TTC39C: variants seen among roughly 807,000 people sequenced by gnomAD.
The protein encoded by TTC39C is tetratricopeptide repeat domain 39C, also known as tetratricopeptide repeat protein 39C.
TTC39C carries 33 observed loss-of-function variants against 76.3 expected under a neutral mutation model. The observed-to-expected ratio is 0.43, with a 90% CI of 0.33 to 0.58. The LOEUF is 0.58. Ranked by LOEUF, TTC39C falls within the 20% of genes least tolerant of loss-of-function variation. TTC39C has a pLI of 0.04. For missense variants in TTC39C, 595 were observed against 701.4 expected, an observed-to-expected ratio of 0.85 and a Z score of 1.71; for synonymous variants, 254 against 260.6, an observed-to-expected ratio of 0.97 and a Z score of 0.24.
At chr18:24,044,474 G>A (rs968209904) in intron 1 of TTC39C, among the ~76,000 whole-genome samples, 2 of 152,214 alleles carry the variant, frequency 1.3e-5, no homozygotes, top group Admixed American at 6.5e-5. Flanking sequence ...TCTCCAGGGT[G>A]CACCGCTTTT....
intron 1 of TTC39C, among the ~76,000 whole-genome samples, chr18:24,047,832 C>T (rs546922354): frequency 6.6e-6 from 1 of 152,114 alleles, no homozygotes; most frequent in Non-Finnish European, 1.5e-5. Flanking sequence ...AAGACAGTTC[C>T]GTAGAGGAGA....
intron 1 of TTC39C, among the ~76,000 whole-genome samples, chr18:23,996,991 C>A (rs898269222): frequency 6.6e-6 from 1 of 152,166 alleles, no homozygotes; most frequent in Non-Finnish European, 1.5e-5. Context: ...CACCTGTAGT[C>A]CCAGCTACTT....
intron 10 of TTC39C, among the ~76,000 whole-genome samples, chr18:24,127,114 A>T (rs1018786061): frequency 3.3e-5 from 5 of 152,224 alleles, no homozygotes; most frequent in African/African-American, 1.2e-4. Context: ...CCTGGAAGGG[A>T]AGACAGACAG....
At chr18:24,029,344 C>G (rs371078130) in intron 1 of TTC39C, among the ~76,000 whole-genome samples, 1 of 152,184 alleles carries the variant, frequency 6.6e-6, no homozygotes, top group African/African-American at 2.4e-5. Flanking sequence ...CTAGGTAATC[C>G]ACCCACCTTG....
At chr18:24,010,234 ACAGT>A (rs1438150077), upstream of TTC39C, among the ~76,000 whole-genome samples, 14 of 152,184 alleles carry the variant, frequency 9.2e-5, no homozygotes, top group African/African-American at 2.9e-4. Flanking sequence ...AGATACAGAA[ACAGT>A]CAGGTTGTTT....
chr18:24,042,418 C>T (rs989408067), intron 1 of TTC39C, among the ~76,000 whole-genome samples: 1 of 152,154 alleles, frequency 6.6e-6, no homozygotes, highest in African/African-American at 2.4e-5. Flanking sequence ...GCACAGTTCA[C>T]AGTAGGGTTC....
chr18:24,122,080 G>C (rs1416065623), intron 8 of TTC39C, among the ~76,000 whole-genome samples: 1 of 152,056 alleles, frequency 6.6e-6, no homozygotes, highest in Non-Finnish European at 1.5e-5. Context: ...TGCATCCTCA[G>C]CTCTCTCCGA....
intron 1 of TTC39C, among the ~76,000 whole-genome samples, chr18:24,044,712 A>G (rs2083841933): frequency 6.6e-6 from 1 of 152,222 alleles, no homozygotes; most frequent in South Asian, 2.1e-4. Context: ...TGGGGAAAGG[A>G]TCTTAAATTC....
chr18:24,099,005 ATGTG>A (rs71373362), intron 6 of TTC39C, among the ~76,000 whole-genome samples: 2,683 of 130,722 alleles, frequency 0.021, 38 homozygotes, highest in Non-Finnish European at 0.03. Flanking sequence ...AGTTAGAGGA[ATGTG>A]TGTGTGTGTG....
chr18:24,092,972 G>A (rs530593441), intron 6 of TTC39C, among the ~76,000 whole-genome samples: 15 of 152,310 alleles, frequency 9.8e-5, no homozygotes, highest in African/African-American at 3.6e-4. Flanking sequence ...GAAGGCTGAG[G>A]TGGGAGGATC....
intron 1 of TTC39C, among the ~76,000 whole-genome samples, chr18:24,060,892 G>A (rs2084090798): frequency 1.3e-5 from 2 of 152,058 alleles, no homozygotes; most frequent in Admixed American, 1.3e-4. Context: ...TTCACAATAG[G>A]GATGTACTGT....
chr18:24,104,039 C>A (rs1249961168), intron 6 of TTC39C, among the ~76,000 whole-genome samples: 2 of 151,716 alleles, frequency 1.3e-5, no homozygotes, highest in East Asian at 3.9e-4. Flanking sequence ...TCAAGCAATT[C>A]TCCTACCTCA....
In TTC39C at chr18:24,093,383, G is replaced by A. The variant is rs568557467; in HGVS notation, c.984+10302G>A. On this transcript the variant is annotated intron_variant, in intron 6 of 13. Transcript: ENST00000317571. ...AGTCCCAGCTACTTGGGAGGCTGAG[G>A]CAGGAGAATGGCGTGAACCCAGGAG... Among the ~76,000 whole-genome samples, 29 of 151,926 alleles carry A rather than the reference G, an allele frequency of 1.9e-4. No homozygotes were observed. The South Asian group carries it at 4.0e-3, about 21-fold the overall frequency.
At chr18:24,110,788 G>T (rs374954905) in intron 6 of TTC39C, among the ~76,000 whole-genome samples, 4 of 152,202 alleles carry the variant, frequency 2.6e-5, no homozygotes, top group African/African-American at 9.6e-5. Flanking sequence ...AAAGGTTTGC[G>T]CTTTGTGTTC....
At chr18:24,027,399 G>A (rs907874601) in intron 1 of TTC39C, among the ~76,000 whole-genome samples, 1 of 152,138 alleles carries the variant, frequency 6.6e-6, no homozygotes, top group African/African-American at 2.4e-5. Flanking sequence ...TTCAAATGGT[G>A]AATTGCAAAA....
intron 1 of TTC39C, among the ~76,000 whole-genome samples, chr18:24,047,074 A>G (rs2083894093): frequency 6.6e-6 from 1 of 151,676 alleles, no homozygotes; most frequent in Non-Finnish European, 1.5e-5. Context: ...GAAGATATAC[A>G]TTTACATTGA....
At chr18:24,021,974 C>G (rs1028647909) in intron 1 of TTC39C, among the ~76,000 whole-genome samples, 64 of 152,154 alleles carry the variant, frequency 4.2e-4, no homozygotes, top group African/African-American at 1.5e-3. Context: ...TCAAATCTAC[C>G]TCAAACAGAG....
At chr18:24,069,344 T>G (rs2084208311) in intron 4 of TTC39C, 73 bp downstream of exon 4, 3 of 1,280,706 alleles carry the variant, frequency 2.3e-6, no homozygotes, top group Admixed American at 1.8e-5. Context: ...TTTTTAAGAA[T>G]GCCTTATATT....
chr18:24,106,311 T>G (rs1389135876), intron 6 of TTC39C, among the ~76,000 whole-genome samples: 1 of 152,176 alleles, frequency 6.6e-6, no homozygotes, highest in East Asian at 1.9e-4. Context: ...CACCTACACG[T>G]TCTTCCAGAG....
Sources: gnomAD v4.1 joint callset for allele counts (sites outside exome capture counted in the v4.1 genomes callset) on GRCh38, gnomAD v4.1.1 for gene constraint, MANE v1.5 for transcripts, NCBI Gene and HGNC (gene_info 2026-07-23, HGNC 2026-07-21) for gene names.